Variants in DLGAP4 observed in about 807,000 individuals in gnomAD.
DLGAP4 encodes the protein disks large-associated protein 4.
DLGAP4 carries 18 observed loss-of-function variants against 86.9 expected under a neutral mutation model. The ratio of observed to expected loss-of-function variants is 0.21; its 90% CI spans 0.14 to 0.31. The LOEUF is 0.31. Ranked by LOEUF, DLGAP4 falls within the 10% of genes least tolerant of loss-of-function variation. The pLI is 1.00. For synonymous variants in DLGAP4, 548 were observed against 574.3 expected, an observed-to-expected ratio of 0.95 and a Z score of 0.65; for missense variants, 1,085 against 1,362.6, an observed-to-expected ratio of 0.80 and a Z score of 3.21.
intron 1 of DLGAP4, among the ~76,000 whole-genome samples, chr20:36,307,413 A>G (rs1237088485): frequency 2.0e-5 from 3 of 151,298 alleles, no homozygotes; most frequent in Admixed American, 6.6e-5. Context: ...CCATCCCTTC[A>G]TCCCTCCATC....
rs13041207 is a variant in DLGAP4, at chr20:36,402,240, C to T, written c.-72-29406C>T. 5.7e-3 allele frequency among the ~76,000 whole-genome samples: 863 copies of T among 152,278 alleles called. 6 individuals carry two copies. The highest frequency in any genetic ancestry group is 9.0e-3 in the Non-Finnish European group (612 of 68,022). On this transcript the variant is annotated intron_variant, in intron 2 of 12. Transcript: ENST00000339266. ...ACCTGTTACTCAGGATATCCCTCAA[C>T]CTGGTCAGAGTCATTTGGGGTTCAA...
At chr20:36,515,064 G>A (rs1438364239) in intron 10 of DLGAP4, among the ~76,000 whole-genome samples, 1 of 152,178 alleles carries the variant, frequency 6.6e-6, no homozygotes, top group African/African-American at 2.4e-5. Context: ...CTGAGATTAG[G>A]TGTGAAGGCA....
intron 7 of DLGAP4, among the ~76,000 whole-genome samples, chr20:36,496,332 C>T (rs1449557400): frequency 1.3e-5 from 2 of 152,174 alleles, no homozygotes; most frequent in Non-Finnish European, 2.9e-5. Context: ...TTGGCATCTG[C>T]TCTGTTGTCA....
rs369042154 is a variant in DLGAP4, at chr20:36,393,419, C to T, written c.-73+26144C>T. On this transcript the variant is annotated intron_variant, in intron 2 of 12. Transcript: ENST00000339266. This position sits in a 1 kb window ranked among gnomAD's most constrained non-coding sequence, Gnocchi z 4.4. Reference sequence around the variant, plus strand: ...GGTAAACAATAAAATTAATCCCTGTCCCCCGGCTGCTAACTTACGAAGTGC... The same window carrying T: ...GGTAAACAATAAAATTAATCCCTGTTCCCCGGCTGCTAACTTACGAAGTGC... 1.3e-5 allele frequency among the ~76,000 whole-genome samples: 2 copies of T among 152,102 alleles called. No homozygotes were observed. Among genetic ancestry groups the T allele is most frequent in the South Asian group, 4.1e-4 (2 of 4,828 alleles).
At chr20:36,330,255 G>C (rs2065254242) in intron 1 of DLGAP4, among the ~76,000 whole-genome samples, 1 of 152,172 alleles carries the variant, frequency 6.6e-6, no homozygotes, top group Admixed American at 6.5e-5. Flanking sequence ...CCAGAGGAGG[G>C]TTTTGTGGGG....
At chr20:36,358,246 G>A (rs1245254952) in intron 1 of DLGAP4, among the ~76,000 whole-genome samples, 5 of 152,240 alleles carry the variant, frequency 3.3e-5, no homozygotes, top group African/African-American at 1.2e-4. Flanking sequence ...AAACTGCAGT[G>A]CGGTGGCCCC....
At chr20:36,403,102 T>C (rs908319980) in intron 2 of DLGAP4, among the ~76,000 whole-genome samples, 1 of 152,246 alleles carries the variant, frequency 6.6e-6, no homozygotes. Context: ...TAGTCCATTT[T>C]GTGCTACTGT....
intron 1 of DLGAP4, among the ~76,000 whole-genome samples, chr20:36,354,498 C>T (rs782451624): frequency 3.9e-5 from 6 of 152,180 alleles, no homozygotes; most frequent in East Asian, 3.9e-4. Flanking sequence ...TCAGCACATC[C>T]GGACTGACTC....
In DLGAP4 at chr20:36,431,650, G is replaced by A. The variant is rs1427644829; in HGVS notation, c.-68G>A. ...CTTTCTGTCTTCTCTCCCTAGGATA[G>A]CTGCCGCCCGGGAGAGGTGACCCGG... On this transcript the variant is annotated 5_prime_UTR_variant, in exon 3 of 13. Transcript: ENST00000339266. This position sits in a 1 kb window ranked among gnomAD's most constrained non-coding sequence, Gnocchi z 5.1. 1.3e-6 allele frequency: 2 copies of A among 1,497,036 alleles called. No homozygotes were observed. The highest frequency in any genetic ancestry group is 1.8e-6 in the Non-Finnish European group (2 of 1,119,752). The allele number at this position is 1,497,036 out of a possible 1,614,324, so 92.7% of individuals were successfully genotyped here. A position where few individuals can be genotyped will look rare whatever the true frequency, so the allele number is the denominator to read the frequency against.
chr20:36,344,491 G>A (rs1171715196), intron 1 of DLGAP4, among the ~76,000 whole-genome samples: 3 of 152,188 alleles, frequency 2.0e-5, no homozygotes, highest in African/African-American at 7.2e-5. Context: ...CGTGAGGTCA[G>A]TGCCCTTATT....
intron 10 of DLGAP4, among the ~76,000 whole-genome samples, chr20:36,513,497 G>A (rs1324651919): frequency 4.8e-5 from 7 of 144,940 alleles, no homozygotes; most frequent in Admixed American, 1.4e-4. Flanking sequence ...GCAGTGAGCC[G>A]AGATTGCGCC....
intron 2 of DLGAP4, among the ~76,000 whole-genome samples, chr20:36,384,362 A>C (rs765231441): frequency 1.3e-5 from 2 of 152,176 alleles, no homozygotes; most frequent in Non-Finnish European, 2.9e-5. Context: ...TGGCCCTGGC[A>C]TTGTGCAAAT....
chr20:36,389,258 T>C (rs1448374668), intron 2 of DLGAP4, among the ~76,000 whole-genome samples: 3 of 152,316 alleles, frequency 2.0e-5, no homozygotes, highest in South Asian at 2.1e-4. Context: ...TCCTCTGCTA[T>C]TGCATAGACG....
At chr20:36,374,628 G>A (rs2031080657) in intron 2 of DLGAP4, among the ~76,000 whole-genome samples, 1 of 152,230 alleles carries the variant, frequency 6.6e-6, no homozygotes, top group Non-Finnish European at 1.5e-5. Context: ...GTTAGATCAA[G>A]GCCCCACATG....
At chr20:36,439,673 G>T (rs2147560414) in intron 4 of DLGAP4, 81 bp from the exon 5 acceptor site, 2 of 1,208,172 alleles carry the variant, frequency 1.7e-6, no homozygotes, top group East Asian at 5.1e-5. Context: ...GACCACCTGT[G>T]CATCACAGAT....
At position 36,446,811 on chromosome 20, in the gene DLGAP4, T is replaced by G; in HGVS notation, c.1522T>G (p.Ser508Ala). ...LDLPLPSYFR[S>A]RSHSYLRAIQ... ...CTTGCCACTGCCCAGCTACTTCCGC[T>G]CCCGCAGCCACAGCTACCTGCGTGC... The change falls in exon 7 of 13, where the codon TCC becomes GCC. Residue 508 changes from serine (S) to alanine (A), a missense_variant. By Grantham distance (99) the Ser-to-Ala change is moderately conservative. This residue lies in a region of DLGAP4 where 1,082 missense variants were observed against 1,344.1 expected (regional missense o/e 0.81). Coordinates refer to ENST00000339266, the MANE Select transcript of DLGAP4 (RefSeq NM_001365621.2). The G allele has an allele frequency of 1.2e-6, 2 of 1,612,698 alleles. No homozygotes were observed. The highest frequency in any genetic ancestry group is 1.7e-6 in the Non-Finnish European group (2 of 1,179,774).
intron 1 of DLGAP4, among the ~76,000 whole-genome samples, chr20:36,364,814 G>A (rs986520877): frequency 1.3e-5 from 2 of 152,194 alleles, no homozygotes; most frequent in African/African-American, 4.8e-5. Context: ...AAGAAGTGGG[G>A]CCAAGCTCAG....
intron 1 of DLGAP4, among the ~76,000 whole-genome samples, chr20:36,311,236 G>A (rs1009069384): frequency 1.0e-3 from 156 of 151,720 alleles, no homozygotes; most frequent in South Asian, 2.1e-3. Flanking sequence ...CGGAGGGTGG[G>A]GGGGGTGGAC....
chr20:36,447,368 G>C (rs561600094), intron 7 of DLGAP4, among the ~76,000 whole-genome samples: 1 of 152,330 alleles, frequency 6.6e-6, no homozygotes, highest in East Asian at 1.9e-4. Context: ...TCAAAGGGAT[G>C]TGTTTTACAG....
Sources: gnomAD v4.1 joint callset for allele counts (sites outside exome capture counted in the v4.1 genomes callset) on GRCh38, gnomAD v4.1.1 for gene constraint, gnomAD v4.1.1 regional missense constraint, Gnocchi (gnomAD v3.1) non-coding constraint, MANE v1.5 for transcripts, NCBI Gene and HGNC (gene_info 2026-07-23, HGNC 2026-07-21) for gene names.